The following AUTS2 variants were observed in gnomAD, a reference collection of about 807,000 sequenced individuals.
AUTS2 encodes the protein autism susceptibility gene 2 protein.
In AUTS2, 17 loss-of-function variants were observed where a neutral mutation model predicts 112.4. That is an observed-to-expected ratio of 0.15 (90% CI 0.10 to 0.23). AUTS2 has a LOEUF of 0.23. AUTS2 is among the 10% of genes least tolerant of loss of function. AUTS2 has a pLI of 1.00. For synonymous variants in AUTS2, 751 were observed against 702.7 expected, an observed-to-expected ratio of 1.07 and a Z score of -1.09; for missense variants, 1,510 against 1,701.6, an observed-to-expected ratio of 0.89 and a Z score of 1.98.
intron 4 of AUTS2, among the ~76,000 whole-genome samples, chr7:70,424,769 A>G (rs1562949983): frequency 6.6e-6 from 1 of 152,094 alleles, no homozygotes; most frequent in Non-Finnish European, 1.5e-5. Context: ...AATTTTTTGC[A>G]GGGACAGGGG....
intron 5 of AUTS2, among the ~76,000 whole-genome samples, chr7:70,564,333 T>C (rs1309483606): frequency 2.0e-5 from 3 of 152,230 alleles, no homozygotes; most frequent in Non-Finnish European, 4.4e-5. Flanking sequence ...TACATGACCT[T>C]AGATGCTCGA....
rs1428006890 is a variant in AUTS2 at position 70,785,044 on chromosome 7, C to T, written c.2224+25C>T. The T allele has an allele frequency of 7.4e-6, 12 of 1,611,332 alleles. No individual in the cohort carries two copies. The East Asian group carries it at 2.7e-4, about 36-fold the overall frequency. On this transcript the variant is annotated intron_variant, in intron 16 of 18. Transcript: ENST00000342771. ...GGTGAGTCGCCCAAAATAATGGGAACTGAGATGTGTGCTTCAGGCAACCCT... is the reference window on the plus strand; with the variant it reads ...GGTGAGTCGCCCAAAATAATGGGAATTGAGATGTGTGCTTCAGGCAACCCT...
chr7:69,695,968 T>C (rs982962913), intron 1 of AUTS2, among the ~76,000 whole-genome samples: 2 of 152,204 alleles, frequency 1.3e-5, no homozygotes, highest in African/African-American at 4.8e-5. Flanking sequence ...AGACACCCTT[T>C]GTGGTATTTT....
chr7:70,578,491 G>A (rs1802276936), intron 5 of AUTS2, among the ~76,000 whole-genome samples: 1 of 152,198 alleles, frequency 6.6e-6, no homozygotes, highest in African/African-American at 2.4e-5. Context: ...TTTATTCTAA[G>A]TCCAGGACTC....
chr7:70,327,539 T>G (rs1439229914), intron 4 of AUTS2, among the ~76,000 whole-genome samples: 1 of 152,210 alleles, frequency 6.6e-6, no homozygotes, highest in Admixed American at 6.5e-5. Flanking sequence ...GTATTTAGGC[T>G]ATGGCAGAAG....
chr7:70,396,968 G>A (rs1252291428), intron 4 of AUTS2, among the ~76,000 whole-genome samples: 1 of 151,964 alleles, frequency 6.6e-6, no homozygotes, highest in Non-Finnish European at 1.5e-5. Context: ...CAGAGTGGTT[G>A]TACCGTCTTA....
chr7:70,017,915 T>C (rs1800102842), intron 2 of AUTS2, among the ~76,000 whole-genome samples: 1 of 151,064 alleles, frequency 6.6e-6, no homozygotes, highest in African/African-American at 2.4e-5. Flanking sequence ...GGAAGGGTGA[T>C]GTTGACAATT....
chr7:69,789,478 TC>T (rs1789523080), intron 1 of AUTS2, among the ~76,000 whole-genome samples: 1 of 152,196 alleles, frequency 6.6e-6, no homozygotes, highest in Non-Finnish European at 1.5e-5. Flanking sequence ...TTTAAGTAAG[TC>T]CCTGTTGTTT....
intron 1 of AUTS2, among the ~76,000 whole-genome samples, chr7:69,845,748 G>A (rs940712964): frequency 4.6e-5 from 7 of 152,156 alleles, no homozygotes; most frequent in Non-Finnish European, 1.0e-4. Context: ...AGAGCAAGCT[G>A]GAGGTGAGAC....
rs565770510 is a variant in AUTS2 at position 69,817,340 on chromosome 7, A to G, written c.310-81946A>G. ...GTTGCCTCTACCCCTATTTGGTCACATTCCTGTCTTACTCATTCCTTGCTG... is the reference window on the plus strand; with the variant it reads ...GTTGCCTCTACCCCTATTTGGTCACGTTCCTGTCTTACTCATTCCTTGCTG... On this transcript the variant is annotated intron_variant, in intron 1 of 18. Coordinates refer to ENST00000342771, the MANE Select transcript of AUTS2 (RefSeq NM_015570.4). Among the ~76,000 whole-genome samples the G allele has an allele frequency of 8.1e-4, 123 of 152,314 alleles. 1 individual carries two copies. Among genetic ancestry groups the G allele is most frequent in the Admixed American group, 2.3e-3 (35 of 15,306 alleles).
intron 2 of AUTS2, among the ~76,000 whole-genome samples, chr7:70,076,833 A>AC (rs1803059157): frequency 6.6e-6 from 1 of 152,224 alleles, no homozygotes; most frequent in Non-Finnish European, 1.5e-5. Context: ...AATTGTGAAA[A>AC]CATAGTTGAA....
At chr7:70,250,685 A>G (rs928276946) in intron 4 of AUTS2, among the ~76,000 whole-genome samples, 1 of 152,224 alleles carries the variant, frequency 6.6e-6, no homozygotes, top group African/African-American at 2.4e-5. Context: ...CCATGCAGCC[A>G]CTAAAGAATG....
At chr7:70,491,418 A>G (rs375526367) in intron 5 of AUTS2, among the ~76,000 whole-genome samples, 8 of 128,482 alleles carry the variant, frequency 6.2e-5, no homozygotes, top group South Asian at 4.5e-4. Flanking sequence ...GCGTGTGTGT[A>G]TACACACACA....
intron 5 of AUTS2, among the ~76,000 whole-genome samples, chr7:70,644,945 C>T (rs1806069883): frequency 6.6e-6 from 1 of 152,126 alleles, no homozygotes; most frequent in Admixed American, 6.5e-5. Context: ...ATTTCCTAAA[C>T]GCTGGTGGCT....
intron 1 of AUTS2, among the ~76,000 whole-genome samples, chr7:69,817,883 T>G (rs2129526049): frequency 6.6e-6 from 1 of 152,270 alleles, no homozygotes; most frequent in Admixed American, 6.5e-5. Context: ...ATCTTTGTGT[T>G]TATGGTAATG....
At chr7:70,249,244 C>T (rs973585284) in intron 4 of AUTS2, among the ~76,000 whole-genome samples, 7 of 152,012 alleles carry the variant, frequency 4.6e-5, no homozygotes, top group African/African-American at 9.7e-5. Context: ...TTATTTTTTG[C>T]GTAACCTGCT....
chr7:69,843,312 G>GT (rs2129528861), intron 1 of AUTS2, among the ~76,000 whole-genome samples: 1 of 152,260 alleles, frequency 6.6e-6, no homozygotes, highest in Admixed American at 6.5e-5. Context: ...CCCAGGACTA[G>GT]TGGAGGGGCA....
chr7:70,640,205 T>C (rs1282122394), intron 5 of AUTS2, among the ~76,000 whole-genome samples: 2 of 152,052 alleles, frequency 1.3e-5, no homozygotes, highest in Non-Finnish European at 2.9e-5. Flanking sequence ...CTCATGACAT[T>C]CATCTCTTTC....
intron 2 of AUTS2, among the ~76,000 whole-genome samples, chr7:69,902,331 A>G (rs1315183631): frequency 6.6e-6 from 1 of 152,192 alleles, no homozygotes; most frequent in Non-Finnish European, 1.5e-5. Flanking sequence ...CAATTACTTT[A>G]TCGCCTGCGT....
Sources: gnomAD v4.1 joint callset for allele counts (sites outside exome capture counted in the v4.1 genomes callset) on GRCh38, gnomAD v4.1.1 for gene constraint, MANE v1.5 for transcripts, NCBI Gene and HGNC (gene_info 2026-07-23, HGNC 2026-07-21) for gene names.